Variants in PTPRK observed in about 807,000 individuals in gnomAD.
PTPRK encodes protein tyrosine phosphatase receptor type K.
Under a neutral mutation model 178.0 loss-of-function variants are expected in PTPRK, and 75 were observed. The observed-to-expected ratio is 0.42, with a 90% CI of 0.35 to 0.51. The LOEUF is 0.51. Ranked by LOEUF, PTPRK falls within the 20% of genes least tolerant of loss-of-function variation. The pLI, the probability that PTPRK is intolerant of heterozygous loss-of-function variation, is 0.02. For synonymous variants in PTPRK, 637 were observed against 620.6 expected (o/e 1.03, Z -0.39); for missense variants, 1,441 against 1,797.8 (o/e 0.80, Z 3.59).
intron 2 of PTPRK, among the ~76,000 whole-genome samples, chr6:128,337,416 A>G (rs1409098384): frequency 6.6e-6 from 1 of 152,186 alleles, no homozygotes; most frequent in African/African-American, 2.4e-5. Flanking sequence ...GTTACTGAAT[A>G]TGTAAAGTGC....
intron 22 of PTPRK, 134 bp downstream of exon 22, chr6:127,985,587 G>T: frequency 2.9e-6 from 3 of 1,020,380 alleles, no homozygotes; most frequent in South Asian, 2.4e-5. Context: ...TTTTATTGCT[G>T]TTTTACTTTA....
intron 5 of PTPRK, among the ~76,000 whole-genome samples, chr6:128,226,077 G>C (rs886717101): frequency 6.6e-6 from 1 of 152,100 alleles, no homozygotes; most frequent in East Asian, 1.9e-4. Context: ...GGAGCCACAC[G>C]GACAGAGCAG....
chr6:128,361,119 T>C (rs947222002), intron 2 of PTPRK, among the ~76,000 whole-genome samples: 3 of 152,148 alleles, frequency 2.0e-5, no homozygotes, highest in Admixed American at 6.5e-5. Context: ...ATATTTAGCA[T>C]AGTTTATAGG....
At chr6:128,316,362 T>C (rs1156512358) in intron 3 of PTPRK, among the ~76,000 whole-genome samples, 1 of 152,190 alleles carries the variant, frequency 6.6e-6, no homozygotes, top group Non-Finnish European at 1.5e-5. Context: ...TTATTTCTCC[T>C]GACCGCTCAT....
At chr6:128,518,183 T>C (rs963313630) in intron 1 of PTPRK, among the ~76,000 whole-genome samples, 2 of 152,240 alleles carry the variant, frequency 1.3e-5, no homozygotes, top group Non-Finnish European at 2.9e-5. Context: ...CTGTGATTAC[T>C]GTACTTTTTA....
At chr6:128,399,807 T>C (rs1262186500) in intron 1 of PTPRK, among the ~76,000 whole-genome samples, 1 of 152,212 alleles carries the variant, frequency 6.6e-6, no homozygotes, top group Non-Finnish European at 1.5e-5. Context: ...CAATAACAAC[T>C]AGGAGTAGCT....
intron 1 of PTPRK, among the ~76,000 whole-genome samples, chr6:128,408,664 G>T (rs1010911498): frequency 6.6e-6 from 1 of 152,246 alleles, no homozygotes; most frequent in African/African-American, 2.4e-5. Flanking sequence ...TACATAAATT[G>T]TTGGCATATG....
At chr6:128,088,496 A>G (rs923523513) in intron 8 of PTPRK, among the ~76,000 whole-genome samples, 3 of 152,188 alleles carry the variant, frequency 2.0e-5, no homozygotes, top group Non-Finnish European at 2.9e-5. Flanking sequence ...TTGAAAGATA[A>G]GAACTGACTC....
chr6:128,121,898 G>A (rs957681428), intron 7 of PTPRK, among the ~76,000 whole-genome samples: 1 of 151,978 alleles, frequency 6.6e-6, no homozygotes, highest in South Asian at 2.1e-4. Context: ...CTAAAAAAAT[G>A]AGTCAATATA....
intron 8 of PTPRK, among the ~76,000 whole-genome samples, chr6:128,087,284 A>G (rs1311698982): frequency 1.3e-5 from 2 of 152,184 alleles, no homozygotes; most frequent in African/African-American, 2.4e-5. Context: ...GCAGCACAAA[A>G]CTATGTAACT....
chr6:128,253,756 T>A (rs1440922145), intron 3 of PTPRK, among the ~76,000 whole-genome samples: 5 of 152,236 alleles, frequency 3.3e-5, no homozygotes, highest in Non-Finnish European at 5.9e-5. Context: ...ATAGCTTTAA[T>A]TTATGCTTAT....
chr6:128,452,327 T>G (rs1468041511), intron 1 of PTPRK, among the ~76,000 whole-genome samples: 2 of 152,208 alleles, frequency 1.3e-5, no homozygotes, highest in Non-Finnish European at 2.9e-5. Context: ...TATACACAAG[T>G]GCATTTGGTA....
At chr6:128,144,690 T>C (rs942587725) in intron 7 of PTPRK, among the ~76,000 whole-genome samples, 1 of 152,184 alleles carries the variant, frequency 6.6e-6, no homozygotes, top group Non-Finnish European at 1.5e-5. Flanking sequence ...CAATATACAA[T>C]TCTGTGAAGA....
chr6:128,145,254 G>GCA lies in PTPRK; in HGVS notation c.1162+39176_1162+39177dup, dbSNP rs762071475. ...GGTAGTTCTTGTGTTCCTATCACACGCACACACACACAGACACACACGTAA... is the reference window on the plus strand; with the variant it reads ...GGTAGTTCTTGTGTTCCTATCACACGCACACACACACACAGACACACACGTAA... On this transcript the variant is annotated intron_variant, in intron 7 of 29. Transcript: ENST00000368226. Among the ~76,000 whole-genome samples, 230 of 151,460 alleles carry GCA rather than the reference G, an allele frequency of 1.5e-3. 2 individuals carry two copies. The East Asian group carries it at 0.03, about 20-fold the overall frequency.
At chr6:128,475,135 G>A (rs1005638663) in intron 1 of PTPRK, among the ~76,000 whole-genome samples, 1 of 152,022 alleles carries the variant, frequency 6.6e-6, no homozygotes, top group Non-Finnish European at 1.5e-5. Context: ...CCGAATCCTG[G>A]CCCTGTTATT....
intron 13 of PTPRK, among the ~76,000 whole-genome samples, chr6:128,011,990 A>G (rs538154730): frequency 6.6e-6 from 1 of 151,202 alleles, no homozygotes; most frequent in African/African-American, 2.4e-5. Context: ...TAAGTTATTT[A>G]TTTGAGTTGG....
At chr6:128,470,595 G>C (rs1325810648) in intron 1 of PTPRK, among the ~76,000 whole-genome samples, 2 of 151,882 alleles carry the variant, frequency 1.3e-5, no homozygotes, top group Non-Finnish European at 2.9e-5. Flanking sequence ...AAGTGTTTCA[G>C]TTAATACTTG....
At chr6:128,459,817 T>C (rs1019446415) in intron 1 of PTPRK, among the ~76,000 whole-genome samples, 9 of 152,170 alleles carry the variant, frequency 5.9e-5, no homozygotes, top group Admixed American at 4.6e-4. Flanking sequence ...CTGGGTAATT[T>C]ATAAAGAAAA....
At chr6:128,038,714 T>TA (rs1338145722) in intron 13 of PTPRK, among the ~76,000 whole-genome samples, 2 of 152,266 alleles carry the variant, frequency 1.3e-5, no homozygotes, top group East Asian at 1.9e-4. Flanking sequence ...CAGCCATCAA[T>TA]AAAAAAACTT....
Sources: gnomAD v4.1 joint callset for allele counts (sites outside exome capture counted in the v4.1 genomes callset) on GRCh38, gnomAD v4.1.1 for gene constraint, MANE v1.5 for transcripts, NCBI Gene and HGNC (gene_info 2026-07-23, HGNC 2026-07-21) for gene names.